The following SPNS3 variants were observed in gnomAD, a reference collection of about 807,000 sequenced individuals.
SPNS3 encodes SPNS lysolipid transporter 3, sphingosine-1-phosphate (putative), also known as protein spinster homolog 3.
SPNS3 carries 51 observed loss-of-function variants against 54.4 expected under a neutral mutation model. The ratio of observed to expected loss-of-function variants is 0.94; its 90% CI spans 0.75 to 1.18. SPNS3 has a LOEUF of 1.18. SPNS3 is among the 50% of genes most tolerant of loss of function. The pLI, the probability that SPNS3 is intolerant of heterozygous loss-of-function variation, is 0.00. For synonymous variants in SPNS3, 309 were observed against 294.7 expected (o/e 1.05, Z -0.50); for missense variants, 669 against 677.4 (o/e 0.99, Z 0.14).
chr17:4,439,792 C>T lies in SPNS3; in HGVS notation c.265+69C>T, dbSNP rs920329519. 23 of 1,432,042 alleles carry T rather than the reference C, an allele frequency of 1.6e-5. No homozygotes were observed. The Admixed American group carries it at 4.2e-4, about 26-fold the overall frequency. 88.7% of individuals were successfully genotyped at this position (1,432,042 alleles called of 1,614,324 possible). A position where few individuals can be genotyped will look rare whatever the true frequency, so the allele number is the denominator to read the frequency against. On this transcript the variant is annotated intron_variant, in intron 2 of 11. Coordinates refer to ENST00000355530, the MANE Select transcript of SPNS3 (RefSeq NM_182538.5). ...GCTGGGGTGGGCTCTTTCTGTGGGTCATGTTCTGTGCCCAGCTCCAGCCCC... is the reference window on the plus strand; with the variant it reads ...GCTGGGGTGGGCTCTTTCTGTGGGTTATGTTCTGTGCCCAGCTCCAGCCCC...
chr17:4,437,122 G>C (rs1970735844), intron 1 of SPNS3, among the ~76,000 whole-genome samples: 1 of 152,176 alleles, frequency 6.6e-6, no homozygotes, highest in South Asian at 2.1e-4. Context: ...GGGAACTGGT[G>C]GGGGTAAACA....
rs569561099 is a variant in SPNS3, at chr17:4,446,774, C to T, written c.555-122C>T. The T allele has an allele frequency of 6.9e-6, 6 of 867,628 alleles. No homozygotes were observed. In the African/African-American group the frequency reaches 8.3e-5, roughly 12 times the overall value. 53.7% of individuals were successfully genotyped at this position (867,628 alleles called of 1,614,324 possible). A position where few individuals can be genotyped will look rare whatever the true frequency, so the allele number is the denominator to read the frequency against. ...GCTTACTTTCCTCAGTGAAACAGGT[C>T]TGAGCCTGCAGAGAGCCAGCTCCCT... On this transcript the variant is annotated intron_variant, in intron 4 of 11. Transcript: ENST00000355530.
At chr17:4,476,610 G>C (rs1333560338) in intron 8 of SPNS3, among the ~76,000 whole-genome samples, 1 of 152,300 alleles carries the variant, frequency 6.6e-6, no homozygotes, top group East Asian at 1.9e-4. Flanking sequence ...CCAGGAGGCA[G>C]CTGGCAGACC....
At chr17:4,447,278 G>T (rs555611699) in intron 5 of SPNS3, among the ~76,000 whole-genome samples, 1 of 152,344 alleles carries the variant, frequency 6.6e-6, no homozygotes, top group South Asian at 2.1e-4. Context: ...GCATCTTGAG[G>T]ATCAGTGAGA....
At position 4,483,745 on chromosome 17, in the gene SPNS3, A is replaced by ATCCGGGTGAT. The variant is rs1423099055; in HGVS notation, c.1180-2483_1180-2482insTCCGGGTGAT. 1.3e-5 allele frequency: 2 copies of ATCCGGGTGAT among 152,176 alleles called. No individual in the cohort carries two copies. The highest frequency in any genetic ancestry group is 3.8e-4 in the East Asian group (2 of 5,198). 9.4% of individuals were successfully genotyped at this position (152,176 alleles called of 1,614,324 possible). A position where few individuals can be genotyped will look rare whatever the true frequency, so the allele number is the denominator to read the frequency against. On this transcript the variant is annotated intron_variant, in intron 9 of 11. Coordinates refer to ENST00000355530, the MANE Select transcript of SPNS3 (RefSeq NM_182538.5). The surrounding 1 kb of genome is among the most constrained non-coding windows in gnomAD (Gnocchi z 4.2). ...GTTGACAGATCCTGGTGATGGCAAGAGGCCCGGTTTCTCTTGCCACCTGTA... is the reference window on the plus strand; with the variant it reads ...GTTGACAGATCCTGGTGATGGCAAGATCCGGGTGATGGCCCGGTTTCTCTTGCCACCTGTA...
rs866878469 is a variant in SPNS3, at chr17:4,462,745, C to T, written c.1113+9540C>T. Among the ~76,000 whole-genome samples, 250 of 102,584 alleles carry T rather than the reference C, an allele frequency of 2.4e-3. 4 individuals carry two copies. Among genetic ancestry groups the T allele is most frequent in the Non-Finnish European group, 3.5e-3 (166 of 47,480 alleles). 67.3% of individuals were successfully genotyped at this position (102,584 alleles called of 152,430 possible). A position where few individuals can be genotyped will look rare whatever the true frequency, so the allele number is the denominator to read the frequency against. Reference sequence around the variant, plus strand: ...CCCACCCACCCATCCACCAATCCATCCATCCACCAATCCATCCATCCATCC... The same window carrying T: ...CCCACCCACCCATCCACCAATCCATTCATCCACCAATCCATCCATCCATCC... On this transcript the variant is annotated intron_variant, in intron 8 of 11. Coordinates refer to ENST00000355530, the MANE Select transcript of SPNS3 (RefSeq NM_182538.5).
At chr17:4,450,897 C>T (rs975322201) in intron 7 of SPNS3, among the ~76,000 whole-genome samples, 1 of 151,900 alleles carries the variant, frequency 6.6e-6, no homozygotes, top group Non-Finnish European at 1.5e-5. Context: ...CGTGAGCCAC[C>T]GTGCCCGGCC....
chr17:4,464,722 G>A (rs1477538057), intron 8 of SPNS3, among the ~76,000 whole-genome samples: 1 of 151,866 alleles, frequency 6.6e-6, no homozygotes, highest in Non-Finnish European at 1.5e-5. Context: ...CTCTTGTTGA[G>A]CAGGCTGGAG....
At position 4,468,721 on chromosome 17, in the gene SPNS3, T is replaced by TTTCTTTCTTTC. The variant is rs1555531861; in HGVS notation, c.1114-9849_1114-9848insCTTTCTTTCTT. Reference sequence around the variant, plus strand: ...TTTTCTTTATTTCTCTCTCTCTTTCTTTTCTTTCTTTCTTTCTTTCTTTCT... The same window carrying TTTCTTTCTTTC: ...TTTTCTTTATTTCTCTCTCTCTTTCTTTCTTTCTTTCTTTCTTTCTTTCTTTCTTTCTTTCT... On this transcript the variant is annotated intron_variant, in intron 8 of 11. Transcript: ENST00000355530. Among the ~76,000 whole-genome samples, 13 of 121,372 alleles carry TTTCTTTCTTTC rather than the reference T, an allele frequency of 1.1e-4. No individual in the cohort carries two copies. In the South Asian group the frequency reaches 2.1e-3, roughly 19 times the overall value. The allele number at this position is 121,372 out of a possible 152,430, so 79.6% of individuals were successfully genotyped here.
At chr17:4,463,042 A>G (rs1971579498) in intron 8 of SPNS3, among the ~76,000 whole-genome samples, 2 of 151,942 alleles carry the variant, frequency 1.3e-5, no homozygotes, top group South Asian at 4.1e-4. Flanking sequence ...TTGGGTGGGC[A>G]TGTGTGCTGG....
chr17:4,465,451 T>G (rs1457078140), intron 8 of SPNS3, among the ~76,000 whole-genome samples: 1 of 152,114 alleles, frequency 6.6e-6, no homozygotes, highest in Non-Finnish European at 1.5e-5. Flanking sequence ...CTCTAGGCCA[T>G]GCGCAGTGGC....
chr17:4,448,238 G>C lies in SPNS3; in HGVS notation c.705G>C (p.Gln235His). The stretch of plus-strand genomic sequence containing the variant: ...CACCCCGGGGAGCTGCCGAGACACA[G>C]GGGGAGGGGGCCGTGGGAGGCTTCA... ...PDPPRGAAET[Q>H]GEGAVGGFRS... The change falls in exon 6 of 12, where the codon CAG (glutamine) becomes CAC (histidine). Residue 235 changes from glutamine (Q) to histidine (H), a missense_variant. Gln to His is a conservative substitution (Grantham distance 24). Transcript: ENST00000355530. 6.2e-7 allele frequency: 1 copy of C among 1,601,186 alleles called. No individual in the cohort carries two copies.
intron 5 of SPNS3, 91 bp downstream of exon 5, chr17:4,447,053 A>C: frequency 3.6e-6 from 5 of 1,385,446 alleles, no homozygotes; most frequent in Non-Finnish European, 5.0e-6. Context: ...TTGGCGTAGC[A>C]CCCGGCGCCA....
At chr17:4,434,907 C>G (rs183176602) in intron 1 of SPNS3, among the ~76,000 whole-genome samples, 1 of 149,178 alleles carries the variant, frequency 6.7e-6, no homozygotes, top group Non-Finnish European at 1.5e-5. Context: ...CAGGTTCAAG[C>G]GATTCCTATC....
At chr17:4,446,566 A>G (rs999859441) in intron 4 of SPNS3, 15 of 520,454 alleles carry the variant, frequency 2.9e-5, no homozygotes, top group South Asian at 4.8e-5. Flanking sequence ...AGGATTTGCA[A>G]TCAGGACCCT....
At chr17:4,459,680 T>C (rs1001638817) in intron 8 of SPNS3, among the ~76,000 whole-genome samples, 3 of 152,040 alleles carry the variant, frequency 2.0e-5, no homozygotes, top group Non-Finnish European at 2.9e-5. Context: ...GCCATTGCAC[T>C]CCAGCCTGGG....
chr17:4,476,929 G>A (rs8079786), intron 8 of SPNS3, among the ~76,000 whole-genome samples: 8,957 of 152,284 alleles, frequency 0.059, 341 homozygotes, highest in Middle Eastern at 0.14. Context: ...CCTTGCCTCC[G>A]CTCCCGTGGG....
intron 5 of SPNS3, 85 bp from the exon 6 acceptor site, chr17:4,448,070 C>CTTA: frequency 7.3e-7 from 1 of 1,365,236 alleles, no homozygotes; most frequent in Non-Finnish European, 9.6e-7. Context: ...CAGCCACTGG[C>CTTA]TGATACTGTG....
intron 1 of SPNS3, among the ~76,000 whole-genome samples, chr17:4,436,255 G>A (rs1177595992): frequency 6.6e-6 from 1 of 152,200 alleles, no homozygotes; most frequent in African/African-American, 2.4e-5. Flanking sequence ...CGATCTGTCA[G>A]TTACCAGCTC....
Sources: allele counts gnomAD v4.1 joint callset (sites outside exome capture counted in the v4.1 genomes callset), GRCh38; gene constraint gnomAD v4.1.1; non-coding constraint Gnocchi (gnomAD v3.1); transcripts MANE v1.5; gene names NCBI Gene and HGNC (gene_info 2026-07-23, HGNC 2026-07-21).